ASTN2: variants seen among roughly 807,000 people sequenced by gnomAD.
ASTN2 encodes the protein astrotactin 2, also known as astrotactin-2.
ASTN2 carries 54 observed loss-of-function variants against 139.8 expected under a neutral mutation model. The ratio of observed to expected loss-of-function variants is 0.39; its 90% CI spans 0.31 to 0.48. ASTN2 has a LOEUF of 0.48. Ranked by LOEUF, ASTN2 falls within the 20% of genes least tolerant of loss-of-function variation. The probability of loss-of-function intolerance (pLI) is 0.95; values close to 1 mark genes in which losing one functional copy is unlikely to be tolerated. For synonymous variants in ASTN2, 756 were observed against 719.5 expected, an observed-to-expected ratio of 1.05 and a Z score of -0.81; for missense variants, 1,565 against 1,725.1, an observed-to-expected ratio of 0.91 and a Z score of 1.64.
chr9:116,512,444 A>G (rs1850434812), intron 19 of ASTN2, among the ~76,000 whole-genome samples: 1 of 152,132 alleles, frequency 6.6e-6, no homozygotes, highest in Admixed American at 6.6e-5. Context: ...TTTTGGAATA[A>G]GTGCGATGTG....
chr9:116,612,846 A>G (rs1315317840), intron 19 of ASTN2: 1 of 151,884 alleles, frequency 6.6e-6, no homozygotes, highest in Non-Finnish European at 1.5e-5. Context: ...AAGCTAGCAG[A>G]AGGCAAGAAA....
chr9:116,860,912 G>A (rs944643488), intron 11 of ASTN2, among the ~76,000 whole-genome samples: 1 of 152,156 alleles, frequency 6.6e-6, no homozygotes, highest in African/African-American at 2.4e-5. Context: ...ATGAGAAGAA[G>A]TTTCTCTTTA....
At chr9:116,892,828 T>C (rs1833795960) in intron 10 of ASTN2, among the ~76,000 whole-genome samples, 1 of 152,098 alleles carries the variant, frequency 6.6e-6, no homozygotes, top group Non-Finnish European at 1.5e-5. Context: ...ATTTAGCAAA[T>C]AAAAATAAAG....
intron 19 of ASTN2, chr9:116,585,434 C>A (rs150095479): frequency 5.8e-4 from 89 of 152,190 alleles, no homozygotes; most frequent in African/African-American, 2.0e-3. Context: ...TTACTGATTT[C>A]TGGAATGAGA....
chr9:116,969,037 G>A (rs1290877784), intron 10 of ASTN2, among the ~76,000 whole-genome samples: 1 of 152,066 alleles, frequency 6.6e-6, no homozygotes, highest in East Asian at 1.9e-4. Flanking sequence ...TTTTTCACTG[G>A]GGAACTATCC....
intron 20 of ASTN2, among the ~76,000 whole-genome samples, chr9:116,468,849 T>G (rs559469738): frequency 2.0e-5 from 3 of 152,356 alleles, no homozygotes; most frequent in Admixed American, 2.0e-4. Context: ...CATAATAACT[T>G]GAGTAGGGGT....
intron 2 of ASTN2, among the ~76,000 whole-genome samples, chr9:117,279,254 C>T (rs891930801): frequency 1.3e-5 from 2 of 152,122 alleles, no homozygotes; most frequent in African/African-American, 4.8e-5. Flanking sequence ...TATTATACAG[C>T]AGATGGAGCA....
rs575725802 is a variant in ASTN2, at chr9:116,512,519, C to T, written c.3356-25019G>A. ...GAGTTCTGTAGATGTCTATTAGGTC[C>T]GCTTGGTGTAGAGTTGAGTTCAATT... On this transcript the variant is annotated intron_variant, in intron 19 of 22. Transcript: ENST00000313400. Among the ~76,000 whole-genome samples, 118 of 152,116 alleles carry T rather than the reference C, an allele frequency of 7.8e-4. 1 individual carries two copies. The highest frequency in any genetic ancestry group is 2.4e-3 in the African/African-American group (101 of 41,490).
intron 16 of ASTN2, among the ~76,000 whole-genome samples, chr9:116,710,733 CAAAAAAAA>C (rs57745448): frequency 8.3e-5 from 6 of 72,578 alleles, no homozygotes; most frequent in African/African-American, 1.5e-4. Flanking sequence ...AACTCCGTCT[CAAAAAAAA>C]AAAAAAAAAA....
chr9:117,206,562 T>A (rs1391394837), intron 3 of ASTN2, among the ~76,000 whole-genome samples: 1 of 152,120 alleles, frequency 6.6e-6, no homozygotes, highest in Non-Finnish European at 1.5e-5. Flanking sequence ...CCAATAGCCA[T>A]GGCACCTCTC....
At chr9:117,144,743 G>A (rs1326897776) in intron 3 of ASTN2, among the ~76,000 whole-genome samples, 1 of 131,302 alleles carries the variant, frequency 7.6e-6, no homozygotes, top group Non-Finnish European at 1.5e-5. Context: ...GTGCAGTGGC[G>A]TGATCTCAGC....
At chr9:116,483,707 G>C (rs952894913) in intron 20 of ASTN2, among the ~76,000 whole-genome samples, 2 of 152,192 alleles carry the variant, frequency 1.3e-5, no homozygotes, top group Non-Finnish European at 2.9e-5. Flanking sequence ...AAACAGATGT[G>C]AGAGAGGTAG....
intron 3 of ASTN2, among the ~76,000 whole-genome samples, chr9:117,183,229 G>A (rs938067454): frequency 6.6e-6 from 1 of 152,136 alleles, no homozygotes; most frequent in African/African-American, 2.4e-5. Flanking sequence ...GCATCTCTGA[G>A]GGAAAGGGTC....
intron 7 of ASTN2, among the ~76,000 whole-genome samples, chr9:117,005,279 G>T (rs1003895651): frequency 2.0e-5 from 3 of 149,608 alleles, no homozygotes; most frequent in Non-Finnish European, 3.0e-5. Context: ...TTAGTAGACA[G>T]GGTTTCACCA....
intron 1 of ASTN2, among the ~76,000 whole-genome samples, chr9:117,396,830 T>A (rs952683187): frequency 4.6e-5 from 7 of 152,134 alleles, no homozygotes; most frequent in African/African-American, 1.4e-4. Flanking sequence ...TCTCCCAAAG[T>A]GCTGGGATTA....
intron 2 of ASTN2, among the ~76,000 whole-genome samples, chr9:117,287,950 A>G (rs1385116496): frequency 6.6e-6 from 1 of 152,094 alleles, no homozygotes; most frequent in Non-Finnish European, 1.5e-5. Flanking sequence ...GTTTTGTTTC[A>G]TACATAAGGA....
chr9:117,164,559 C>T (rs143598249), intron 3 of ASTN2, among the ~76,000 whole-genome samples: 2 of 152,174 alleles, frequency 1.3e-5, no homozygotes, highest in African/African-American at 2.4e-5. Context: ...CCCTGCCCCC[C>T]AATCCCCTCC....
chr9:116,753,486 C>T (rs1271008482), intron 13 of ASTN2, among the ~76,000 whole-genome samples: 9 of 152,014 alleles, frequency 5.9e-5, no homozygotes, highest in Non-Finnish European at 1.3e-4. Context: ...CTATACAACA[C>T]CAAAAGGTAA....
intron 12 of ASTN2, among the ~76,000 whole-genome samples, chr9:116,814,763 G>C (rs180694298): frequency 2.0e-5 from 3 of 152,260 alleles, no homozygotes; most frequent in Admixed American, 6.5e-5. Flanking sequence ...TTTCCACATG[G>C]GAAACTCTGA....
Sources: gnomAD v4.1 joint callset for allele counts (sites outside exome capture counted in the v4.1 genomes callset) on GRCh38, gnomAD v4.1.1 for gene constraint, MANE v1.5 for transcripts, NCBI Gene and HGNC (gene_info 2026-07-23, HGNC 2026-07-21) for gene names.